Variants in BDP1 observed in about 807,000 individuals in gnomAD.
The protein encoded by BDP1 is BDP1 general transcription factor IIIB subunit, also known as transcription factor TFIIIB component B'' homolog.
In BDP1, 169 loss-of-function variants were observed where a neutral mutation model predicts 266.6. That is an observed-to-expected ratio of 0.63 (90% CI 0.56 to 0.72). The LOEUF is 0.72. Ranked by LOEUF, BDP1 falls within the 30% of genes least tolerant of loss-of-function variation. The pLI is 0.00. For missense variants in BDP1, 3,015 were observed against 3,053.8 expected, an observed-to-expected ratio of 0.99 and a Z score of 0.30; for synonymous variants, 1,090 against 1,022.4, an observed-to-expected ratio of 1.07 and a Z score of -1.26.
At chr5:71,488,524 G>C (rs1450589012) in intron 9 of BDP1, among the ~76,000 whole-genome samples, 1 of 151,498 alleles carries the variant, frequency 6.6e-6, no homozygotes, top group East Asian at 1.9e-4. Flanking sequence ...CACCTCTCCA[G>C]TTGAAGCGAT....
intron 2 of BDP1, 116 bp downstream of exon 2, chr5:71,458,971 T>C: frequency 1.1e-6 from 1 of 928,002 alleles, no homozygotes; most frequent in Non-Finnish European, 1.6e-6. Context: ...ATAACATCCC[T>C]TAGTCAATAG....
At chr5:71,495,468 A>G in intron 12 of BDP1, 60 bp downstream of exon 12, 1 of 1,178,260 alleles carries the variant, frequency 8.5e-7, no homozygotes, top group Non-Finnish European at 1.2e-6. Flanking sequence ...TTAAATGATA[A>G]TAATGTTGCT....
intron 16 of BDP1, among the ~76,000 whole-genome samples, chr5:71,505,465 A>T (rs1214394149): frequency 2.6e-5 from 4 of 152,214 alleles, no homozygotes; most frequent in African/African-American, 9.7e-5. Context: ...ATAGAAACCC[A>T]TACTGCTTAT....
intron 31 of BDP1, 105 bp downstream of exon 31, chr5:71,544,612 G>C: frequency 8.2e-7 from 1 of 1,214,358 alleles, no homozygotes; most frequent in Non-Finnish European, 1.1e-6. Flanking sequence ...GGGCACGGTG[G>C]CTCACGCCTG....
At chr5:71,564,614 CATA>C in intron 38 of BDP1, 137 bp from the exon 39 acceptor site, 1 of 681,072 alleles carries the variant, frequency 1.5e-6, no homozygotes, top group Non-Finnish European at 2.3e-6. Flanking sequence ...TGATTGTGAA[CATA>C]TTTAAAGCTC....
intron 30 of BDP1, 151 bp from the exon 31 acceptor site, chr5:71,544,206 C>T (rs1742082184): frequency 1.5e-5 from 9 of 588,882 alleles, no homozygotes; most frequent in Non-Finnish European, 2.5e-5. Flanking sequence ...CTAGGACTTT[C>T]TGCCATGTGT....
At chr5:71,491,339 T>C (rs1763579527) in intron 11 of BDP1, among the ~76,000 whole-genome samples, 1 of 152,232 alleles carries the variant, frequency 6.6e-6, no homozygotes, top group South Asian at 2.1e-4. Context: ...CATTATGTAC[T>C]ATCCTTCTGG....
At chr5:71,518,314 G>A (rs1022116883) in intron 22 of BDP1, among the ~76,000 whole-genome samples, 1 of 152,196 alleles carries the variant, frequency 6.6e-6, no homozygotes, top group Non-Finnish European at 1.5e-5. Context: ...ATTAGGTAGA[G>A]TGACTTTGGC....
In BDP1 at chr5:71,541,589, C is replaced by A; in HGVS notation, c.6158C>A (p.Ser2053Ter). ...SSPVITTSPASFEENKIVLEE... is the reference protein window; with the variant it reads ...SSPVITTSPA ...CCTGTCATTACTACATCTCCTGCATCATTTGAAGAAAACAAGATTGTATTG... is the reference window on the plus strand; with the variant it reads ...CCTGTCATTACTACATCTCCTGCATAATTTGAAGAAAACAAGATTGTATTG... Residue 2053 changes from serine to a stop codon, truncating the protein, a stop_gained, in exon 29 of 39, where the codon TCA (serine) becomes TAA (stop). Transcript: ENST00000358731. LOFTEE classifies it high-confidence loss of function. 1 of 1,612,374 alleles carries A rather than the reference C, an allele frequency of 6.2e-7. No individual in the cohort carries two copies. The highest frequency in any genetic ancestry group is 8.5e-7 in the Non-Finnish European group (1 of 1,179,184).
At chr5:71,528,231 C>T (rs539922726) in intron 25 of BDP1, among the ~76,000 whole-genome samples, 26 of 152,312 alleles carry the variant, frequency 1.7e-4, no homozygotes, top group African/African-American at 5.5e-4. Context: ...ATTGCAGTTT[C>T]GCTACATCCT....
downstream of BDP1, among the ~76,000 whole-genome samples, chr5:71,568,195 CT>C (rs1265456589): frequency 6.6e-6 from 1 of 152,122 alleles, no homozygotes; most frequent in Non-Finnish European, 1.5e-5. Context: ...TATTTCAAAG[CT>C]GTAGGAGTCT....
chr5:71,557,553 T>C (rs951936667), intron 36 of BDP1, among the ~76,000 whole-genome samples: 3 of 151,722 alleles, frequency 2.0e-5, no homozygotes, highest in African/African-American at 7.3e-5. Flanking sequence ...CCCAGCTAAT[T>C]TTTTGTATTT....
At chr5:71,469,189 A>C (rs1762089467) in intron 6 of BDP1, among the ~76,000 whole-genome samples, 1 of 152,068 alleles carries the variant, frequency 6.6e-6, no homozygotes, top group Admixed American at 6.6e-5. Context: ...CCCAGGCTGG[A>C]GTGCAGTGGT....
At chr5:71,485,970 A>G (rs955760948) in intron 8 of BDP1, among the ~76,000 whole-genome samples, 6 of 152,196 alleles carry the variant, frequency 3.9e-5, no homozygotes, top group South Asian at 2.1e-4. Flanking sequence ...TCACTTCACA[A>G]GGTCTATTAT....
At chr5:71,488,942 A>G (rs1427359187) in intron 9 of BDP1, among the ~76,000 whole-genome samples, 2 of 151,716 alleles carry the variant, frequency 1.3e-5, no homozygotes, top group Non-Finnish European at 2.9e-5. Context: ...TGCTGACCTC[A>G]GATGATCCAC....
chr5:71,528,219 G>A (rs1291071147), intron 25 of BDP1, among the ~76,000 whole-genome samples: 1 of 152,180 alleles, frequency 6.6e-6, no homozygotes, highest in Non-Finnish European at 1.5e-5. Context: ...CAGTGTACAA[G>A]CATTGCAGTT....
chr5:71,489,119 A>G (rs984496391), intron 9 of BDP1, among the ~76,000 whole-genome samples: 2 of 152,322 alleles, frequency 1.3e-5, no homozygotes, highest in South Asian at 4.1e-4. Context: ...TTTGTTTAAT[A>G]AAAATGAGAT....
chr5:71,511,664 A>C (rs1039720890), intron 17 of BDP1, among the ~76,000 whole-genome samples: 1 of 151,942 alleles, frequency 6.6e-6, no homozygotes, highest in African/African-American at 2.4e-5. Flanking sequence ...AATAAAAATA[A>C]TTTCCAACTG....
intron 10 of BDP1, 146 bp from the exon 11 acceptor site, chr5:71,490,838 A>G: frequency 1.4e-6 from 1 of 728,394 alleles, no homozygotes; most frequent in Non-Finnish European, 2.0e-6. Flanking sequence ...TTATGGTCTA[A>G]AAATAAGATG....
Sources: allele counts gnomAD v4.1 joint callset (sites outside exome capture counted in the v4.1 genomes callset), GRCh38; gene constraint gnomAD v4.1.1; transcripts MANE v1.5; gene names NCBI Gene and HGNC (gene_info 2026-07-23, HGNC 2026-07-21).